ERBB4: variants seen among roughly 807,000 people sequenced by gnomAD.
ERBB4 encodes erb-b2 receptor tyrosine kinase 4.
Under a neutral mutation model 158.0 loss-of-function variants are expected in ERBB4, and 42 were observed. That is an observed-to-expected ratio of 0.27 (90% CI 0.21 to 0.34). ERBB4 has a LOEUF of 0.34. Ranked by LOEUF, ERBB4 falls within the 10% of genes least tolerant of loss-of-function variation. ERBB4 has a pLI of 1.00. For missense variants in ERBB4, 1,333 were observed against 1,624.1 expected, an observed-to-expected ratio of 0.82 and a Z score of 3.08; for synonymous variants, 583 against 558.7, an observed-to-expected ratio of 1.04 and a Z score of -0.61.
chr2:211,623,781 CA>C, intron 18 of ERBB4, 140 bp downstream of exon 18: 1 of 773,872 alleles, frequency 1.3e-6, no homozygotes, highest in Non-Finnish European at 2.1e-6. Flanking sequence ...ATTTGTGCAG[CA>C]ACTTCTCAAT....
chr2:211,947,458 A>T lies in ERBB4; in HGVS notation c.393T>A (p.Leu131=). 6.2e-7 allele frequency: 1 copy of T among 1,613,838 alleles called. No homozygotes were observed. The highest frequency in any genetic ancestry group is 8.5e-7 in the Non-Finnish European group (1 of 1,179,860). ...LNYRKDGNFG[L]QELGLKNLTE... ...TCAAGTTCTTTAATCCAAGTTCTTG[A>T]AGTCCAAAGTTTCCATCTTTTCTGT... Residue 131 remains leucine (L), a synonymous_variant, in exon 3 of 28, where the codon CTT becomes CTA. Transcript: ENST00000342788.
intron 2 of ERBB4, among the ~76,000 whole-genome samples, chr2:211,988,999 G>T (rs1278475731): frequency 6.6e-6 from 1 of 151,912 alleles, no homozygotes; most frequent in East Asian, 1.9e-4. Flanking sequence ...CTCTAAGATG[G>T]TATTGTCATT....
At chr2:211,977,175 C>T (rs149206232) in intron 2 of ERBB4, among the ~76,000 whole-genome samples, 26 of 152,236 alleles carry the variant, frequency 1.7e-4, no homozygotes, top group African/African-American at 6.0e-4. Flanking sequence ...CTGCCTGACA[C>T]AGGAGGCAAC....
intron 2 of ERBB4, among the ~76,000 whole-genome samples, chr2:211,955,211 C>A (rs551335313): frequency 1.3e-5 from 2 of 152,142 alleles, no homozygotes; most frequent in East Asian, 3.9e-4. Flanking sequence ...CTCTTGGGTG[C>A]TAGTGTTGCT....
At chr2:212,148,195 G>A (rs148095135) in intron 1 of ERBB4, among the ~76,000 whole-genome samples, 5 of 151,128 alleles carry the variant, frequency 3.3e-5, no homozygotes, top group African/African-American at 9.7e-5. Flanking sequence ...AATTGGTACC[G>A]ATTTCTATTG....
intron 24 of ERBB4, 84 bp downstream of exon 24, chr2:211,421,923 A>T: frequency 2.4e-6 from 2 of 839,646 alleles, no homozygotes; most frequent in South Asian, 2.7e-5. Context: ...GGTCCTTTCC[A>T]CAGTTCCAAA....
intron 3 of ERBB4, among the ~76,000 whole-genome samples, 163 bp downstream of exon 3, chr2:211,947,267 C>T (rs1289003727): frequency 6.6e-6 from 1 of 152,118 alleles, no homozygotes; most frequent in Non-Finnish European, 1.5e-5. Flanking sequence ...TAAAGAAAAG[C>T]AAGGGCATCA....
intron 2 of ERBB4, among the ~76,000 whole-genome samples, chr2:212,014,778 T>C (rs762092378): frequency 4.9e-4 from 74 of 152,112 alleles, no homozygotes; most frequent in Admixed American, 3.9e-3. Context: ...CTTAAACATG[T>C]AGCTGGCATT....
intron 1 of ERBB4, among the ~76,000 whole-genome samples, chr2:212,377,039 C>T (rs2090346080): frequency 6.6e-6 from 1 of 151,802 alleles, no homozygotes; most frequent in Non-Finnish European, 1.5e-5. Flanking sequence ...ATCTTCTCCC[C>T]TGCTTAACTT....
chr2:211,590,017 T>A (rs2068412574), intron 19 of ERBB4, among the ~76,000 whole-genome samples: 1 of 152,178 alleles, frequency 6.6e-6, no homozygotes, highest in South Asian at 2.1e-4. Flanking sequence ...ATGTACACAT[T>A]TATTCTGTTT....
intron 2 of ERBB4, among the ~76,000 whole-genome samples, chr2:212,036,640 A>G (rs1426639357): frequency 6.6e-6 from 1 of 151,686 alleles, no homozygotes; most frequent in Non-Finnish European, 1.5e-5. Context: ...AATTTTTTGT[A>G]TTTTTAGTAG....
At chr2:211,666,721 T>C (rs976669074) in intron 14 of ERBB4, among the ~76,000 whole-genome samples, 6 of 152,168 alleles carry the variant, frequency 3.9e-5, no homozygotes, top group Non-Finnish European at 7.4e-5. Context: ...TGTCTTAAAA[T>C]TCCTCTCCTC....
chr2:212,289,424 A>G (rs1420162473), intron 1 of ERBB4, among the ~76,000 whole-genome samples: 1 of 152,154 alleles, frequency 6.6e-6, no homozygotes, highest in East Asian at 1.9e-4. Context: ...TTGGTTAGTA[A>G]ATATTTAATC....
chr2:211,542,950 G>A (rs1485078366), intron 20 of ERBB4, among the ~76,000 whole-genome samples: 2 of 151,900 alleles, frequency 1.3e-5, no homozygotes, highest in African/African-American at 2.4e-5. Context: ...ATTTTTCTGT[G>A]AAACAACTCT....
chr2:212,071,597 G>A (rs945009268), intron 2 of ERBB4, among the ~76,000 whole-genome samples: 6 of 151,944 alleles, frequency 3.9e-5, no homozygotes, highest in Non-Finnish European at 4.4e-5. Context: ...GCATTAAAGC[G>A]TGTAGTTTTA....
chr2:211,678,007 T>C (rs147892052), intron 13 of ERBB4, among the ~76,000 whole-genome samples: 10 of 152,250 alleles, frequency 6.6e-5, no homozygotes, highest in African/African-American at 2.4e-4. Context: ...GAATGATGCA[T>C]CAAATAGTAT....
chr2:212,412,947 T>C (rs2091539605), intron 1 of ERBB4, among the ~76,000 whole-genome samples: 1 of 126,550 alleles, frequency 7.9e-6, no homozygotes, highest in Non-Finnish European at 2.0e-5. Context: ...ATGTAGAGTA[T>C]TTTTTTTCTT....
At chr2:212,435,320 G>A (rs1376675082) in intron 1 of ERBB4, among the ~76,000 whole-genome samples, 1 of 151,908 alleles carries the variant, frequency 6.6e-6, no homozygotes, top group East Asian at 1.9e-4. Flanking sequence ...AATATCAACG[G>A]AGTTGTTGTC....
intron 1 of ERBB4, among the ~76,000 whole-genome samples, chr2:212,371,661 C>T (rs2090090510): frequency 6.6e-6 from 1 of 152,130 alleles, no homozygotes; most frequent in South Asian, 2.1e-4. Context: ...GTCAGTTAAG[C>T]AATTTATATA....
Sources: allele counts gnomAD v4.1 joint callset (sites outside exome capture counted in the v4.1 genomes callset), GRCh38; gene constraint gnomAD v4.1.1; transcripts MANE v1.5; gene names NCBI Gene and HGNC (gene_info 2026-07-23, HGNC 2026-07-21).